Variants in PKHD1 observed in about 807,000 individuals in gnomAD.
PKHD1 encodes the protein fibrocystin.
PKHD1 carries 291 observed loss-of-function variants against 412.0 expected under a neutral mutation model. The ratio of observed to expected loss-of-function variants is 0.71; its 90% CI spans 0.64 to 0.78. The LOEUF (loss-of-function observed/expected upper bound fraction) is 0.78. PKHD1 is among the 30% of genes least tolerant of loss of function. The pLI is 0.00. For synonymous variants in PKHD1, 1,777 were observed against 1,821.5 expected (o/e 0.98, Z 0.62); for missense variants, 4,825 against 4,950.7 (o/e 0.97, Z 0.76).
intron 60 of PKHD1, among the ~76,000 whole-genome samples, chr6:51,667,352 A>C (rs1005477002): frequency 6.6e-6 from 1 of 151,670 alleles, no homozygotes; most frequent in African/African-American, 2.4e-5. Flanking sequence ...TCTTTTGAGA[A>C]GTGTCTGTTC....
intron 35 of PKHD1, among the ~76,000 whole-genome samples, chr6:52,004,180 A>AT (rs957771350): frequency 3.3e-5 from 5 of 151,884 alleles, no homozygotes; most frequent in Non-Finnish European, 7.4e-5. Flanking sequence ...CTATCTATCC[A>AT]TTTTTTCCCT....
chr6:51,740,317 C>A (rs1784409711), intron 60 of PKHD1, among the ~76,000 whole-genome samples: 1 of 152,182 alleles, frequency 6.6e-6, no homozygotes, highest in East Asian at 1.9e-4. Flanking sequence ...CCTAATATGA[C>A]AATATGCTGG....
chr6:51,997,181 G>A (rs1213153323), intron 35 of PKHD1, among the ~76,000 whole-genome samples: 3 of 152,196 alleles, frequency 2.0e-5, no homozygotes, highest in African/African-American at 7.2e-5. Context: ...AGAAGCTACT[G>A]ACAACCACAT....
intron 50 of PKHD1, among the ~76,000 whole-genome samples, chr6:51,838,514 T>G (rs533465498): frequency 6.6e-6 from 1 of 152,328 alleles, no homozygotes; most frequent in African/African-American, 2.4e-5. Flanking sequence ...GTTGCTCACT[T>G]CATTAACGTT....
At chr6:52,053,005 G>GT in intron 21 of PKHD1, 71 bp downstream of exon 21, 1 of 1,442,680 alleles carries the variant, frequency 6.9e-7, no homozygotes, top group Non-Finnish European at 9.7e-7. Flanking sequence ...AAAAAAAACA[G>GT]TAACCCCTAG....
At chr6:51,901,874 G>A (rs1217135160) in intron 43 of PKHD1, among the ~76,000 whole-genome samples, 3 of 152,124 alleles carry the variant, frequency 2.0e-5, no homozygotes, top group Non-Finnish European at 4.4e-5. Flanking sequence ...GGAAAGCGTT[G>A]GAGGGAGAGC....
intron 60 of PKHD1, among the ~76,000 whole-genome samples, chr6:51,712,635 A>G (rs1394104807): frequency 2.0e-5 from 3 of 152,300 alleles, no homozygotes; most frequent in Non-Finnish European, 4.4e-5. Flanking sequence ...ACTTCTTTCA[A>G]AAAGAGAAAA....
chr6:52,070,512 T>A lies in PKHD1; in HGVS notation c.668-67A>T, dbSNP rs1413910471. On this transcript the variant is annotated intron_variant, in intron 9 of 66. Coordinates refer to ENST00000371117, the MANE Select transcript of PKHD1 (RefSeq NM_138694.4). ...GAGTCTTCTGGGCCAGGCCATTGCT[T>A]TCATAAGCCCAAAGACTCCAATATC... 2.0e-4 allele frequency: 238 copies of A among 1,201,704 alleles called. 1 individual carries two copies. The highest frequency in any genetic ancestry group is 9.4e-4 in the Middle Eastern group (5 of 5,330). The allele number at this position is 1,201,704 out of a possible 1,614,324, so 74.4% of individuals were successfully genotyped here.
chr6:52,047,262 GT>G (rs1202558442), intron 23 of PKHD1, among the ~76,000 whole-genome samples: 12 of 152,188 alleles, frequency 7.9e-5, no homozygotes, highest in African/African-American at 2.2e-4. Context: ...CACGATTGAT[GT>G]TTTTTCCCCC....
rs1219553602 is a variant in PKHD1, at chr6:51,757,598, A to C, written c.8643-2660T>G. Among the ~76,000 whole-genome samples the C allele has an allele frequency of 3.9e-5, 6 of 152,088 alleles. No homozygotes were observed. In the South Asian group the frequency reaches 1.0e-3, roughly 26 times the overall value. On this transcript the variant is annotated intron_variant, in intron 55 of 66. Transcript: ENST00000371117. ...CCAAAGCCTCCCCACTTTCTGTACCACCATCAATTTGACATAAAAAATGCT... is the reference window on the plus strand; with the variant it reads ...CCAAAGCCTCCCCACTTTCTGTACCCCCATCAATTTGACATAAAAAATGCT...
At chr6:51,894,151 C>T (rs1779529536) in intron 43 of PKHD1, among the ~76,000 whole-genome samples, 1 of 152,224 alleles carries the variant, frequency 6.6e-6, no homozygotes, top group Non-Finnish European at 1.5e-5. Flanking sequence ...AAGTCCTAGA[C>T]TCCGGAGCTG....
In PKHD1 at chr6:51,686,532, A is replaced by C. The variant is rs1268468003; in HGVS notation, c.10157-26563T>G. Among the ~76,000 whole-genome samples, 4 of 152,134 alleles carry C rather than the reference A, an allele frequency of 2.6e-5. No homozygotes were observed. The East Asian group carries it at 5.8e-4, about 22-fold the overall frequency. On this transcript the variant is annotated intron_variant, in intron 60 of 66. Coordinates refer to ENST00000371117, the MANE Select transcript of PKHD1 (RefSeq NM_138694.4). ...GCCTACTTTGGTCAGCCTATGTACA[A>C]GCATTCTTTTTGCTTTCTATGATGC...
intron 35 of PKHD1, among the ~76,000 whole-genome samples, chr6:51,961,338 A>G (rs1313751157): frequency 6.6e-6 from 1 of 152,170 alleles, no homozygotes; most frequent in Non-Finnish European, 1.5e-5. Context: ...AATCACTGAG[A>G]AGGCTTTGCA....
chr6:51,646,244 G>A (rs1770068227), intron 63 of PKHD1, among the ~76,000 whole-genome samples: 1 of 152,194 alleles, frequency 6.6e-6, no homozygotes, highest in African/African-American at 2.4e-5. Context: ...TCCCTCCGAT[G>A]AGAAGGAAAT....
chr6:52,085,039 A>G (rs1302811174), intron 1 of PKHD1, 22 bp from the exon 2 acceptor site: 3 of 755,912 alleles, frequency 4.0e-6, no homozygotes, highest in Non-Finnish European at 7.1e-6. Context: ...CAAAAAAAGC[A>G]AAAAAAAATT....
intron 52 of PKHD1, among the ~76,000 whole-genome samples, chr6:51,829,600 T>A (rs1767905282): frequency 6.6e-6 from 1 of 152,160 alleles, no homozygotes; most frequent in Non-Finnish European, 1.5e-5. Context: ...AGAGGTGGTT[T>A]ACTGGGAAGT....
intron 35 of PKHD1, among the ~76,000 whole-genome samples, chr6:51,990,132 C>T (rs140804816): frequency 5.3e-5 from 8 of 151,296 alleles, no homozygotes; most frequent in Non-Finnish European, 1.0e-4. Flanking sequence ...TTTATTCTTC[C>T]CTTTTCCTTC....
At position 51,959,765 on chromosome 6, in the gene PKHD1, G is replaced by C. The variant is rs1186028852; in HGVS notation, c.5908+105C>G. ...TTTCAGTTTGGTCTGAGGATAAATT[G>C]TCAACTAAGTTCTGGAACTTATCCA... On this transcript the variant is annotated intron_variant, in intron 36 of 66. Coordinates refer to ENST00000371117, the MANE Select transcript of PKHD1 (RefSeq NM_138694.4). The C allele has an allele frequency of 1.9e-4, 199 of 1,045,472 alleles. 1 individual carries two copies. Among genetic ancestry groups the C allele is most frequent in the Admixed American group, 1.2e-4 (7 of 58,346 alleles). The allele number at this position is 1,045,472 out of a possible 1,614,324, so 64.8% of individuals were successfully genotyped here.
At chr6:52,038,329 C>T (rs1804267872) in intron 27 of PKHD1, among the ~76,000 whole-genome samples, 1 of 150,428 alleles carries the variant, frequency 6.6e-6, no homozygotes. Context: ...GAGCTGAGAT[C>T]GCACCACTGC....
Sources: allele counts gnomAD v4.1 joint callset (sites outside exome capture counted in the v4.1 genomes callset), GRCh38; gene constraint gnomAD v4.1.1; transcripts MANE v1.5; gene names NCBI Gene and HGNC (gene_info 2026-07-23, HGNC 2026-07-21).